Variants in TBL1XR1 observed in about 807,000 individuals in gnomAD.
The protein encoded by TBL1XR1 is TBL1X/Y related 1.
A neutral mutation model predicts 66.9 loss-of-function variants in TBL1XR1; 5 were observed. That is an observed-to-expected ratio of 0.07 (90% CI 0.04 to 0.16). The LOEUF (loss-of-function observed/expected upper bound fraction) is 0.16. TBL1XR1 is among the 10% of genes least tolerant of loss of function. TBL1XR1 has a pLI of 1.00. For missense variants in TBL1XR1, 238 were observed against 623.2 expected (o/e 0.38, Z 6.58); for synonymous variants, 210 against 206.0 (o/e 1.02, Z -0.17).
chr3:177,163,830 C>T (rs1732503600), intron 1 of TBL1XR1: 1 of 152,126 alleles, frequency 6.6e-6, no homozygotes. Context: ...TAATCAGCTT[C>T]AATTCATATG....
At chr3:177,195,682 G>A (rs1328485938) in intron 1 of TBL1XR1, 3 of 151,490 alleles carry the variant, frequency 2.0e-5, no homozygotes, top group Non-Finnish European at 2.9e-5. Flanking sequence ...AAAAACGGAG[G>A]GGGAAGATCA....
intron 3 of TBL1XR1, among the ~76,000 whole-genome samples, chr3:177,055,346 CCCTT>C (rs1324312877): frequency 1.3e-5 from 2 of 151,928 alleles, no homozygotes; most frequent in Non-Finnish European, 2.9e-5. Flanking sequence ...TCCTTGTAAC[CCCTT>C]CCTTCTCTCT....
intron 1 of TBL1XR1, among the ~76,000 whole-genome samples, chr3:177,194,586 C>T (rs530069973): frequency 6.6e-6 from 1 of 152,230 alleles, no homozygotes; most frequent in East Asian, 1.9e-4. Flanking sequence ...GTCAGCTACT[C>T]GTCTGACAAG....
At chr3:177,135,894 G>A (rs552656227) in intron 1 of TBL1XR1, among the ~76,000 whole-genome samples, 2 of 151,652 alleles carry the variant, frequency 1.3e-5, no homozygotes, top group Admixed American at 6.6e-5. Flanking sequence ...CCAGAGGGCT[G>A]GAATTGGCCT....
At chr3:177,114,304 A>G (rs1726024113) in intron 1 of TBL1XR1, among the ~76,000 whole-genome samples, 2 of 151,314 alleles carry the variant, frequency 1.3e-5, no homozygotes, top group Admixed American at 1.3e-4. Context: ...ATACATATAT[A>G]TGATATATGA....
intron 1 of TBL1XR1, among the ~76,000 whole-genome samples, chr3:177,183,664 C>G (rs1735083704): frequency 6.6e-6 from 1 of 152,094 alleles, no homozygotes; most frequent in Admixed American, 6.5e-5. Context: ...CCCGCCACTA[C>G]ACCTTGCGAA....
chr3:177,049,282 T>C (rs1716730500), intron 7 of TBL1XR1, among the ~76,000 whole-genome samples: 1 of 152,218 alleles, frequency 6.6e-6, no homozygotes, highest in African/African-American at 2.4e-5. Context: ...ACTATCTTGA[T>C]ATTCTTTGCA....
chr3:177,033,183 C>G, intron 13 of TBL1XR1, 47 bp from the exon 14 acceptor site: 1 of 1,444,770 alleles, frequency 6.9e-7, no homozygotes, highest in Admixed American at 2.2e-5. Context: ...AGGAAATACT[C>G]CCCCAGCCTT....
intron 7 of TBL1XR1, among the ~76,000 whole-genome samples, chr3:177,049,720 A>G (rs1283199543): frequency 6.6e-6 from 1 of 152,210 alleles, no homozygotes; most frequent in African/African-American, 2.4e-5. Flanking sequence ...TCTACTTGAC[A>G]TTTAAAGAAA....
At chr3:177,150,919 A>G (rs1432754594) in intron 1 of TBL1XR1, among the ~76,000 whole-genome samples, 2 of 152,352 alleles carry the variant, frequency 1.3e-5, no homozygotes, top group East Asian at 3.9e-4. Context: ...CTGAGATCGG[A>G]CCTCACTGTA....
chr3:177,093,911 G>A (rs1294165398), intron 2 of TBL1XR1, among the ~76,000 whole-genome samples: 1 of 152,084 alleles, frequency 6.6e-6, no homozygotes, highest in African/African-American at 2.4e-5. Flanking sequence ...ACACTAGCTT[G>A]GGCAACGACT....
intron 1 of TBL1XR1, chr3:177,193,939 C>T (rs938924489): frequency 1.3e-5 from 2 of 152,206 alleles, no homozygotes; most frequent in Non-Finnish European, 2.9e-5. Context: ...CACTATCTAC[C>T]TCATAGGATT....
At chr3:177,112,105 ATATTT>A (rs1217728694) in intron 1 of TBL1XR1, among the ~76,000 whole-genome samples, 57 of 40,264 alleles carry the variant, frequency 1.4e-3, no homozygotes, top group African/African-American at 7.6e-3. Flanking sequence ...ATATATATAT[ATATTT>A]TTTTTTTTTT....
intron 1 of TBL1XR1, among the ~76,000 whole-genome samples, chr3:177,146,877 C>G (rs561960858): frequency 1.3e-5 from 2 of 152,154 alleles, no homozygotes; most frequent in East Asian, 3.9e-4. Context: ...CTGCTCATAA[C>G]TCAAATAATG....
At chr3:177,114,155 G>A (rs1293620496) in intron 1 of TBL1XR1, among the ~76,000 whole-genome samples, 1 of 151,284 alleles carries the variant, frequency 6.6e-6, no homozygotes, top group African/African-American at 2.4e-5. Flanking sequence ...GTAACTATGG[G>A]GTAATGCATT....
intron 2 of TBL1XR1, among the ~76,000 whole-genome samples, chr3:177,078,953 GA>G (rs1057402044): frequency 2.7e-4 from 40 of 146,356 alleles, no homozygotes; most frequent in African/African-American, 9.3e-4. Flanking sequence ...CGTCTCAAAA[GA>G]AAAAAAAAAC....
chr3:177,065,487 G>A (rs1719037980), intron 2 of TBL1XR1, among the ~76,000 whole-genome samples: 1 of 152,176 alleles, frequency 6.6e-6, no homozygotes, highest in African/African-American at 2.4e-5. Context: ...AAACTTGGCA[G>A]GATATGAAGT....
intron 1 of TBL1XR1, among the ~76,000 whole-genome samples, chr3:177,186,927 G>A (rs1258916204): frequency 2.0e-5 from 3 of 152,106 alleles, no homozygotes; most frequent in Admixed American, 2.0e-4. Flanking sequence ...AGCACTTTGG[G>A]AGGCCGAGGC....
intron 1 of TBL1XR1, among the ~76,000 whole-genome samples, chr3:177,104,129 A>AAAAAAGAGAG (rs754019574): frequency 1.7e-4 from 24 of 141,228 alleles, no homozygotes; most frequent in South Asian, 4.5e-4. Flanking sequence ...AAAAAAAAAA[A>AAAAAAGAGAG]AGAGAGAGAG....
Sources: allele counts gnomAD v4.1 joint callset (sites outside exome capture counted in the v4.1 genomes callset), GRCh38; gene constraint gnomAD v4.1.1; transcripts MANE v1.5; gene names NCBI Gene and HGNC (gene_info 2026-07-23, HGNC 2026-07-21).